ASTN2: variants seen among roughly 807,000 people sequenced by gnomAD.
ASTN2 encodes astrotactin 2.
Under a neutral mutation model 139.8 loss-of-function variants are expected in ASTN2, and 54 were observed. The observed-to-expected ratio is 0.39, with a 90% CI of 0.31 to 0.48. The LOEUF is 0.48. Among genes scored for constraint, ASTN2 ranks in the 20% least tolerant of loss-of-function variants. The probability of loss-of-function intolerance (pLI) is 0.95; values close to 1 mark genes in which losing one functional copy is unlikely to be tolerated. For synonymous variants in ASTN2, 756 were observed against 719.5 expected (o/e 1.05, Z -0.81); for missense variants, 1,565 against 1,725.1 (o/e 0.91, Z 1.64).
intron 19 of ASTN2, among the ~76,000 whole-genome samples, chr9:116,537,797 G>A (rs1851707942): frequency 6.6e-6 from 1 of 152,182 alleles, no homozygotes; most frequent in African/African-American, 2.4e-5. Context: ...TCTAGAGATA[G>A]GTACTAAGAG....
intron 3 of ASTN2, among the ~76,000 whole-genome samples, chr9:117,158,874 G>A (rs971738088): frequency 6.6e-6 from 1 of 151,882 alleles, no homozygotes; most frequent in Non-Finnish European, 1.5e-5. Context: ...CTGCTTTTCT[G>A]GGACAACAGA....
Position 117,351,805 on chromosome 9 carries a change from TG to T in ASTN2, c.443-60293del, listed in dbSNP as rs147541510. On this transcript the variant is annotated intron_variant, in intron 1 of 22. Coordinates refer to ENST00000313400, the MANE Select transcript of ASTN2 (RefSeq NM_001365068.1). ...TGCTATATTAGTTCATTAATTTGGA[TG>T]GGGGGTGCTATAGCCATCTTGGAGC... 2.3e-3 allele frequency among the ~76,000 whole-genome samples: 350 copies of T among 152,218 alleles called. 2 individuals carry two copies. In the South Asian group the frequency reaches 0.026, roughly 11 times the overall value.
At chr9:117,008,921 A>C (rs55813580) in intron 6 of ASTN2, among the ~76,000 whole-genome samples, 39,534 of 152,036 alleles carry the variant, frequency 0.26, 5,404 homozygotes, top group South Asian at 0.34. Flanking sequence ...ACAGACTGAG[A>C]TAGAGAAAAC....
intron 16 of ASTN2, among the ~76,000 whole-genome samples, chr9:116,670,569 G>A (rs773293997): frequency 2.0e-5 from 3 of 152,216 alleles, no homozygotes; most frequent in Non-Finnish European, 4.4e-5. Context: ...GAGGGGTTGG[G>A]TAAAGGAGAC....
At chr9:116,560,960 A>G (rs1338775007) in intron 19 of ASTN2, among the ~76,000 whole-genome samples, 4 of 152,208 alleles carry the variant, frequency 2.6e-5, no homozygotes, top group Non-Finnish European at 5.9e-5. Context: ...ACAAAGAAAA[A>G]TGTACATGTG....
chr9:116,729,237 C>T, intron 14 of ASTN2, 141 bp from the exon 15 acceptor site: 2 of 651,172 alleles, frequency 3.1e-6, no homozygotes, highest in East Asian at 2.8e-5. Context: ...TTTTATGAAC[C>T]CCACCCTCCA....
chr9:117,046,748 T>C (rs1355738564), intron 5 of ASTN2, among the ~76,000 whole-genome samples: 2 of 152,352 alleles, frequency 1.3e-5, no homozygotes, highest in African/African-American at 2.4e-5. Flanking sequence ...AAGTACTGTA[T>C]GCCAGACCTC....
intron 1 of ASTN2, among the ~76,000 whole-genome samples, chr9:117,304,600 T>C (rs1391570163): frequency 6.6e-6 from 1 of 152,204 alleles, no homozygotes; most frequent in African/African-American, 2.4e-5. Context: ...TGAGTATTGA[T>C]TGGCTTCAAC....
chr9:117,310,535 C>A (rs1371277674), intron 1 of ASTN2, among the ~76,000 whole-genome samples: 1 of 152,132 alleles, frequency 6.6e-6, no homozygotes, highest in Non-Finnish European at 1.5e-5. Context: ...CTATCTTCAC[C>A]CCAACCAAGA....
At chr9:117,351,114 G>C (rs1301216182) in intron 1 of ASTN2, among the ~76,000 whole-genome samples, 3 of 152,058 alleles carry the variant, frequency 2.0e-5, no homozygotes, top group African/African-American at 7.2e-5. Flanking sequence ...GAAAAGATAT[G>C]GGCAACTGGG....
intron 17 of ASTN2, among the ~76,000 whole-genome samples, chr9:116,649,791 C>T (rs553573174): frequency 1.3e-5 from 2 of 152,162 alleles, no homozygotes; most frequent in South Asian, 4.2e-4. Flanking sequence ...TCCCATCAGC[C>T]TCCTGCCAAT....
intron 19 of ASTN2, among the ~76,000 whole-genome samples, chr9:116,536,126 C>G (rs1851614581): frequency 6.6e-6 from 1 of 151,812 alleles, no homozygotes; most frequent in Admixed American, 6.6e-5. Flanking sequence ...TCACTGATAC[C>G]CTTTCTTCCA....
chr9:116,737,174 T>C (rs2132131647), intron 13 of ASTN2, among the ~76,000 whole-genome samples: 1 of 152,252 alleles, frequency 6.6e-6, no homozygotes, highest in African/African-American at 2.4e-5. Flanking sequence ...GTCTCTCGGG[T>C]ACTGGGTCCC....
intron 2 of ASTN2, among the ~76,000 whole-genome samples, chr9:117,244,244 C>T (rs778261695): frequency 6.6e-6 from 1 of 152,100 alleles, no homozygotes; most frequent in Non-Finnish European, 1.5e-5. Flanking sequence ...GTTTTGGGTA[C>T]TTTGTTATAG....
chr9:116,458,508 T>G (rs1444733740), intron 20 of ASTN2, among the ~76,000 whole-genome samples: 1 of 151,552 alleles, frequency 6.6e-6, no homozygotes, highest in Admixed American at 6.6e-5. Context: ...TATGTACCCA[T>G]AAAAATTCGA....
At chr9:116,799,911 T>C (rs539674199) in intron 13 of ASTN2, among the ~76,000 whole-genome samples, 31 of 152,158 alleles carry the variant, frequency 2.0e-4, no homozygotes, top group Non-Finnish European at 4.4e-4. Flanking sequence ...CATCACTTAA[T>C]GGATTTGGGG....
At chr9:116,956,326 C>T (rs1268681197) in intron 10 of ASTN2, among the ~76,000 whole-genome samples, 5 of 149,630 alleles carry the variant, frequency 3.3e-5, no homozygotes, top group South Asian at 2.1e-4. Context: ...CTCTAACTCC[C>T]GACCTCAGGT....
chr9:116,776,386 T>C (rs1830089376), intron 13 of ASTN2, among the ~76,000 whole-genome samples: 1 of 152,226 alleles, frequency 6.6e-6, no homozygotes. Flanking sequence ...AGTCCCATTT[T>C]ACAGATGTAA....
At chr9:116,585,063 A>T (rs1016989782) in intron 19 of ASTN2, 3 of 152,222 alleles carry the variant, frequency 2.0e-5, no homozygotes, top group African/African-American at 7.2e-5. Context: ...AGTAGTTTTG[A>T]TCTAGACTAT....
Sources: allele counts gnomAD v4.1 joint callset (sites outside exome capture counted in the v4.1 genomes callset), GRCh38; gene constraint gnomAD v4.1.1; transcripts MANE v1.5; gene names NCBI Gene and HGNC (gene_info 2026-07-23, HGNC 2026-07-21).